Variants in ZNF622 observed in about 807,000 individuals in gnomAD.
ZNF622 encodes zinc finger protein 622.
Under a neutral mutation model 49.7 loss-of-function variants are expected in ZNF622, and 34 were observed. That is an observed-to-expected ratio of 0.68 (90% confidence interval 0.52 to 0.91). The LOEUF (loss-of-function observed/expected upper bound fraction) is 0.91. Among genes scored for constraint, ZNF622 ranks in the 40% least tolerant of loss-of-function variants. The probability of loss-of-function intolerance (pLI) is 0.00; values close to 1 mark genes in which losing one functional copy is unlikely to be tolerated. For missense variants in ZNF622, 569 were observed against 616.4 expected (o/e 0.92, Z 0.81); for synonymous variants, 209 against 228.7 (o/e 0.91, Z 0.78).
In ZNF622 at chr5:16,458,408, C is replaced by T. The variant is rs1318872505; in HGVS notation, c.1162+109G>A. On this transcript the variant is annotated intron_variant, in intron 4 of 5. Transcript: ENST00000308683. ...CCGTACATGAGAACCCAAACATATA[C>T]TTTAAGCTTATGGTCTATTTCCCTC... 18 of 784,790 alleles carry T rather than the reference C, an allele frequency of 2.3e-5. No individual in the cohort carries two copies. In the East Asian group the frequency reaches 4.7e-4, roughly 20 times the overall value. 48.6% of individuals were successfully genotyped at this position (784,790 alleles called of 1,614,324 possible).
At chr5:16,453,766 A>G (rs1361051517) in intron 4 of ZNF622, among the ~76,000 whole-genome samples, 3 of 151,832 alleles carry the variant, frequency 2.0e-5, no homozygotes, top group Non-Finnish European at 4.4e-5. Flanking sequence ...CTGACTGAAC[A>G]CATTTTTGGT....
rs544009256 is a variant in ZNF622 at position 16,459,659 on chromosome 5, T to C, written c.1050-1030A>G. Among the ~76,000 whole-genome samples the C allele has an allele frequency of 3.3e-5, 5 of 152,306 alleles. 1 individual carries two copies. In the South Asian group the frequency reaches 8.3e-4, roughly 25 times the overall value. On this transcript the variant is annotated intron_variant, in intron 3 of 5. Transcript: ENST00000308683. Reference sequence around the variant, plus strand: ...ACTCAAATGTGTATCAACAGTAGACTAGATGTTGTGGAGCACTGAACAGAA... The same window carrying C: ...ACTCAAATGTGTATCAACAGTAGACCAGATGTTGTGGAGCACTGAACAGAA...
rs756246471 is a variant in ZNF622 at position 16,453,020 on chromosome 5, G to C, written c.1299C>G (p.Gly433=). Residue 433 remains glycine (G), a synonymous_variant, in exon 5 of 6, where the codon GGC becomes GGG. Coordinates refer to ENST00000308683, the MANE Select transcript of ZNF622 (RefSeq NM_033414.3). ...LQQYRALGWT[G]STGAALMRER... is the part of the protein sequence containing the mutation. The stretch of plus-strand genomic sequence containing the variant: ...TTGTAAAGATCAATGTACCTGTGCT[G>C]CCAGTCCATCCCAGGGCTCTGTACT... 1 of 1,470,042 alleles carries C rather than the reference G, an allele frequency of 6.8e-7. No individual in the cohort carries two copies. The highest frequency in any genetic ancestry group is 9.1e-7 in the Non-Finnish European group (1 of 1,100,308). 91.1% of individuals were successfully genotyped at this position (1,470,042 alleles called of 1,614,324 possible).
chr5:16,451,770 G>C lies in ZNF622; in HGVS notation c.1321C>G (p.Arg441Gly). Reference sequence around the variant, plus strand: ...TGGACATACTGCATGTCTCGCTCTCGCATAAGAGCCGCTCCTATGATTGGA... The same window carrying C: ...TGGACATACTGCATGTCTCGCTCTCCCATAAGAGCCGCTCCTATGATTGGA... ...WTGSTGAALM[R>G]ERDMQYVQRM... The change falls in exon 6 of 6, where the codon CGA becomes GGA. Residue 441 changes from arginine (R) to glycine (G), a missense_variant. Arg to Gly is a moderately radical substitution (Grantham distance 125). Transcript: ENST00000308683. 6.2e-7 allele frequency: 1 copy of C among 1,613,226 alleles called. No individual in the cohort carries two copies. Among genetic ancestry groups the C allele is most frequent in the Non-Finnish European group, 8.5e-7 (1 of 1,179,732 alleles).
rs1579567871 is a variant in ZNF622 at position 16,465,372 on chromosome 5, G to T, written c.294C>A (p.Ala98=). Residue 98 remains alanine, a synonymous_variant, in exon 1 of 6, where the codon GCC becomes GCA. Transcript: ENST00000308683. The surrounding 1 kb of genome is among the most constrained non-coding windows in gnomAD (Gnocchi z 6.2). ...CCACTTTCCGATTCACTGCCTGCAC[G>T]GCCTTCTTCTCCAGCTCAACGTGAC... is the stretch of plus-strand genomic sequence containing the variant. ...SRRHVELEKK[A]VQAVNRKVEM... The T allele has an allele frequency of 6.2e-7, 1 of 1,614,116 alleles. No homozygotes were observed. The highest frequency in any genetic ancestry group is 8.5e-7 in the Non-Finnish European group (1 of 1,180,056).
Position 16,465,688 on chromosome 5 carries a change from G to T in ZNF622, c.-23C>A, listed in dbSNP as rs775126904. 4 of 1,542,648 alleles carry T rather than the reference G, an allele frequency of 2.6e-6. No homozygotes were observed. In the East Asian group the frequency reaches 9.0e-5, roughly 35 times the overall value. On this transcript the variant is annotated 5_prime_UTR_variant, in exon 1 of 6. Coordinates refer to ENST00000308683, the MANE Select transcript of ZNF622 (RefSeq NM_033414.3). This position sits in a 1 kb window ranked among gnomAD's most constrained non-coding sequence, Gnocchi z 6.2. ...CATTGCCAGGCGAGAAATAAGAACCGACCAAGCCAAACACCTGGTGATCAG... is the reference window on the plus strand; with the variant it reads ...CATTGCCAGGCGAGAAATAAGAACCTACCAAGCCAAACACCTGGTGATCAG...
At chr5:16,460,984 C>A (rs1192375056) in intron 3 of ZNF622, among the ~76,000 whole-genome samples, 1 of 152,086 alleles carries the variant, frequency 6.6e-6, no homozygotes, top group Non-Finnish European at 1.5e-5. Context: ...ATACAATACA[C>A]ACAATGGCAG....
In ZNF622 at chr5:16,458,385, G is replaced by A. The variant is rs58029623; in HGVS notation, c.1162+132C>T. The A allele has an allele frequency of 0.018, 11,632 of 646,330 alleles. 927 individuals carry two copies. In the African/African-American group the frequency reaches 0.18, roughly 10 times the overall value. 40.0% of individuals were successfully genotyped at this position (646,330 alleles called of 1,614,324 possible). A position where few individuals can be genotyped will look rare whatever the true frequency, so the allele number is the denominator to read the frequency against. On this transcript the variant is annotated intron_variant, in intron 4 of 5. Transcript: ENST00000308683. ...AGCAGCAACCTTCAGGGTTTACACCGTACATGAGAACCCAAACATATACTT... is the reference window on the plus strand; with the variant it reads ...AGCAGCAACCTTCAGGGTTTACACCATACATGAGAACCCAAACATATACTT...
Position 16,451,668 on chromosome 5 carries a change from C to T in ZNF622, c.1423G>A (p.Val475Met). 6.2e-7 allele frequency: 1 copy of T among 1,613,578 alleles called. No homozygotes were observed. Among genetic ancestry groups the T allele is most frequent in the Non-Finnish European group, 8.5e-7 (1 of 1,179,718 alleles). Residue 475 changes from valine to methionine, a missense_variant, in exon 6 of 6, where the codon GTG becomes ATG. Val to Met is a conservative substitution (Grantham distance 21). Coordinates refer to ENST00000308683, the MANE Select transcript of ZNF622 (RefSeq NM_033414.3). ...ATKQMHFRVQ[V>M]RF Reference sequence around the variant, plus strand: ...ATCCCAGCAGACTCTCAGAATCTCACTTGGACCCGAAAGTGCATCTGCTTG... The same window carrying T: ...ATCCCAGCAGACTCTCAGAATCTCATTTGGACCCGAAAGTGCATCTGCTTG...
chr5:16,453,256 C>G, intron 4 of ZNF622, 100 bp from the exon 5 acceptor site: 8 of 1,206,468 alleles, frequency 6.6e-6, no homozygotes, highest in Admixed American at 3.0e-5. Flanking sequence ...TTTAGTATAT[C>G]TAGATGGAAA....
In ZNF622 at chr5:16,458,585, G is replaced by A; in HGVS notation, c.1094C>T (p.Ala365Val). Residue 365 changes from alanine to valine, a missense_variant, in exon 4 of 6, where the codon GCT becomes GTT. Coordinates refer to ENST00000308683, the MANE Select transcript of ZNF622 (RefSeq NM_033414.3). Reference sequence around the variant, plus strand: ...GTTCTTTTCTGAGGGCAACTCCTCAGCCTTATTGGGGTCCTCCCCTTCCTT... The same window carrying A: ...GTTCTTTTCTGAGGGCAACTCCTCAACCTTATTGGGGTCCTCCCCTTCCTT... ...DHKEGEDPNKAEELPSEKNLE... is the reference protein window; with the variant it reads ...DHKEGEDPNKVEELPSEKNLE... 6.2e-7 allele frequency: 1 copy of A among 1,613,780 alleles called. No homozygotes were observed. The highest frequency in any genetic ancestry group is 8.5e-7 in the Non-Finnish European group (1 of 1,179,792).
At chr5:16,462,629 G>A (rs1215755811) in intron 3 of ZNF622, among the ~76,000 whole-genome samples, 1 of 152,108 alleles carries the variant, frequency 6.6e-6, no homozygotes, top group African/African-American at 2.4e-5. Context: ...CCTCCAGCCT[G>A]GGTGACAGCA....
intron 4 of ZNF622, 88 bp from the exon 5 acceptor site, chr5:16,453,244 C>A: frequency 1.6e-6 from 2 of 1,266,770 alleles, no homozygotes; most frequent in Non-Finnish European, 1.0e-6. Flanking sequence ...CAAATCAGAT[C>A]TTTTAGTATA....
rs1386842027 is a variant in ZNF622, at chr5:16,463,542, T to A, written c.826A>T (p.Ser276Cys). Residue 276 changes from serine (S) to cysteine (C), a missense_variant, in exon 2 of 6, where the codon AGT (serine) becomes TGT (cysteine). By Grantham distance (112) the Ser-to-Cys change is moderately radical (BLOSUM62 -1). Coordinates refer to ENST00000308683, the MANE Select transcript of ZNF622 (RefSeq NM_033414.3). This position sits in a 1 kb window ranked among gnomAD's most constrained non-coding sequence, Gnocchi z 4.2. Reference protein sequence around the residue: ...KNVAHMTKDHSFFIPDIEYLS... With the variant: ...KNVAHMTKDHCFFIPDIEYLS... ...TATTCTATATCAGGAATAAAGAAACTGTGGTCTTTGGTCATGTGAGCCACA... is the reference window on the plus strand; with the variant it reads ...TATTCTATATCAGGAATAAAGAAACAGTGGTCTTTGGTCATGTGAGCCACA... 1 of 1,614,166 alleles carries A rather than the reference T, an allele frequency of 6.2e-7. No homozygotes were observed.
intron 4 of ZNF622, among the ~76,000 whole-genome samples, chr5:16,458,043 T>C (rs186100897): frequency 1.3e-5 from 2 of 152,316 alleles, no homozygotes; most frequent in East Asian, 3.9e-4. Flanking sequence ...CTCACATTCA[T>C]GGTTATTCTT....
At chr5:16,464,620 T>C (rs28448574) in intron 1 of ZNF622, among the ~76,000 whole-genome samples, 6,585 of 152,164 alleles carry the variant, frequency 0.043, 497 homozygotes, top group African/African-American at 0.15. Flanking sequence ...TCTGGCTGAG[T>C]TGGTTTTGAT....
chr5:16,462,707 T>A (rs189545076), intron 3 of ZNF622, among the ~76,000 whole-genome samples: 417 of 152,264 alleles, frequency 2.7e-3, no homozygotes, highest in Non-Finnish European at 4.6e-3. Flanking sequence ...AATCTCACCA[T>A]CAGATGCCTG....
Position 16,465,697 on chromosome 5 carries a change from A to T in ZNF622, c.-32T>A. On this transcript the variant is annotated 5_prime_UTR_variant, in exon 1 of 6. Transcript: ENST00000308683. The surrounding 1 kb of genome is among the most constrained non-coding windows in gnomAD (Gnocchi z 6.2). ...GCGAGAAATAAGAACCGACCAAGCC[A>T]AACACCTGGTGATCAGCGCCGTGGC... 1.3e-6 allele frequency: 2 copies of T among 1,535,732 alleles called. No individual in the cohort carries two copies. Among genetic ancestry groups the T allele is most frequent in the Non-Finnish European group, 1.7e-6 (2 of 1,143,110 alleles).
Position 16,463,368 on chromosome 5 carries a change from T to C in ZNF622, c.887-98A>G, listed in dbSNP as rs139077656. 1,356 of 1,510,226 alleles carry C rather than the reference T, an allele frequency of 9.0e-4. 13 individuals carry two copies. In the African/African-American group the frequency reaches 0.017, roughly 19 times the overall value. The allele number at this position is 1,510,226 out of a possible 1,614,324, so 93.6% of individuals were successfully genotyped here. Reference sequence around the variant, plus strand: ...CAAAACTCAAAAATCATTCACAAAATAACCAAGCAATTATATCAAAGATTG... The same window carrying C: ...CAAAACTCAAAAATCATTCACAAAACAACCAAGCAATTATATCAAAGATTG... On this transcript the variant is annotated intron_variant, in intron 2 of 5. Coordinates refer to ENST00000308683, the MANE Select transcript of ZNF622 (RefSeq NM_033414.3). The surrounding 1 kb of genome is among the most constrained non-coding windows in gnomAD (Gnocchi z 4.2).
Sources: allele counts gnomAD v4.1 joint callset (sites outside exome capture counted in the v4.1 genomes callset), GRCh38; gene constraint gnomAD v4.1.1; non-coding constraint Gnocchi (gnomAD v3.1); transcripts MANE v1.5; gene names NCBI Gene and HGNC (gene_info 2026-07-23, HGNC 2026-07-21).